Variants in PLPPR5 observed in about 807,000 individuals in gnomAD.
The protein encoded by PLPPR5 is phospholipid phosphatase related 5.
Under a neutral mutation model 33.9 loss-of-function variants are expected in PLPPR5, and 16 were observed. The observed-to-expected ratio is 0.47, with a 90% CI of 0.32 to 0.72. The LOEUF is 0.72. Ranked by LOEUF, PLPPR5 falls within the 30% of genes least tolerant of loss-of-function variation. The pLI is 0.03. For synonymous variants in PLPPR5, 163 were observed against 150.3 expected (o/e 1.08, Z -0.62); for missense variants, 301 against 406.7 (o/e 0.74, Z 2.23).
chr1:98,991,612 A>G (rs1425947987), intron 1 of PLPPR5, among the ~76,000 whole-genome samples: 1 of 152,210 alleles, frequency 6.6e-6, no homozygotes, highest in Non-Finnish European at 1.5e-5. Flanking sequence ...GAACAGTCAG[A>G]GAACTGAAAA....
intron 1 of PLPPR5, among the ~76,000 whole-genome samples, chr1:98,967,175 G>C (rs902819544): frequency 6.6e-6 from 1 of 152,054 alleles, no homozygotes; most frequent in South Asian, 2.1e-4. Flanking sequence ...TGGGACTATA[G>C]AAAGAGAGGT....
chr1:98,893,078 G>A lies in PLPPR5; in HGVS notation c.960C>T (p.Val320=), dbSNP rs897234049. 1 of 1,611,152 alleles carries A rather than the reference G, an allele frequency of 6.2e-7. No individual in the cohort carries two copies. The highest frequency in any genetic ancestry group is 8.5e-7 in the Non-Finnish European group (1 of 1,178,338). Reference sequence around the variant, plus strand: ...AAAACCATCTGCTTCGATATCATGTGACTTCTGCGAAGGCAGTGATGTGGT... The same window carrying A: ...AAAACCATCTGCTTCGATATCATGTAACTTCTGCGAAGGCAGTGATGTGGT... ...VQNHITAFAE[V]T is the part of the protein sequence containing the mutation. Residue 320 remains valine, a synonymous_variant, in exon 6 of 6, where the codon GTC becomes GTT. Coordinates refer to ENST00000263177, the MANE Select transcript of PLPPR5 (RefSeq NM_001037317.2).
chr1:98,979,836 TCAC>T (rs1651993771), intron 1 of PLPPR5, among the ~76,000 whole-genome samples: 1 of 152,052 alleles, frequency 6.6e-6, no homozygotes, highest in African/African-American at 2.4e-5. Flanking sequence ...TTTCTCAAAT[TCAC>T]CACATCTTTG....
intron 5 of PLPPR5, among the ~76,000 whole-genome samples, chr1:98,910,695 G>A (rs150758919): frequency 0.014 from 2,056 of 152,136 alleles, 18 homozygotes; most frequent in Middle Eastern, 0.017. Context: ...AACCAGCCCC[G>A]GACAGGATGC....
chr1:98,923,356 T>C (rs1649641242), intron 3 of PLPPR5, among the ~76,000 whole-genome samples: 1 of 152,212 alleles, frequency 6.6e-6, no homozygotes, highest in African/African-American at 2.4e-5. Flanking sequence ...CTGGTATTGA[T>C]AATATACTCA....
chr1:98,947,509 A>G (rs1650601003), intron 3 of PLPPR5, among the ~76,000 whole-genome samples: 1 of 152,186 alleles, frequency 6.6e-6, no homozygotes, highest in African/African-American at 2.4e-5. Context: ...TAACTGCAAA[A>G]CAGCATTATT....
At chr1:98,897,972 AAAAT>A (rs1648543538) in intron 5 of PLPPR5, among the ~76,000 whole-genome samples, 1 of 152,160 alleles carries the variant, frequency 6.6e-6, no homozygotes, top group Non-Finnish European at 1.5e-5. Context: ...AAGAAAAAGT[AAAAT>A]AAATAATTTT....
intron 1 of PLPPR5, among the ~76,000 whole-genome samples, chr1:98,985,444 T>C (rs1046433632): frequency 6.6e-6 from 1 of 152,052 alleles, no homozygotes; most frequent in African/African-American, 2.4e-5. Context: ...TATTATACCA[T>C]CATAACATTG....
At chr1:98,964,463 C>T (rs1651361967) in intron 1 of PLPPR5, among the ~76,000 whole-genome samples, 1 of 152,144 alleles carries the variant, frequency 6.6e-6, no homozygotes, top group Admixed American at 6.5e-5. Context: ...TCAGCAAAAA[C>T]TCTCCATTGC....
At chr1:98,909,711 G>A (rs1415313904) in intron 5 of PLPPR5, among the ~76,000 whole-genome samples, 1 of 152,026 alleles carries the variant, frequency 6.6e-6, no homozygotes. Flanking sequence ...CAGAACCTAC[G>A]AGCAGAAGCA....
At chr1:98,988,736 T>C (rs1276049243) in intron 1 of PLPPR5, among the ~76,000 whole-genome samples, 1 of 152,108 alleles carries the variant, frequency 6.6e-6, no homozygotes, top group Non-Finnish European at 1.5e-5. Context: ...CTCAAGATAT[T>C]TGGACATATC....
intron 1 of PLPPR5, among the ~76,000 whole-genome samples, chr1:98,997,295 C>A (rs1258435485): frequency 6.6e-6 from 1 of 151,968 alleles, no homozygotes; most frequent in Admixed American, 6.6e-5. Context: ...TCTGAACTTC[C>A]GAAGGGCAGA....
At chr1:98,962,197 T>C (rs1651274110) in intron 1 of PLPPR5, among the ~76,000 whole-genome samples, 1 of 152,214 alleles carries the variant, frequency 6.6e-6, no homozygotes, top group South Asian at 2.1e-4. Context: ...ATATTATTTT[T>C]AATTGACACA....
intron 1 of PLPPR5, among the ~76,000 whole-genome samples, chr1:98,971,120 C>T (rs979532332): frequency 1.3e-5 from 2 of 151,966 alleles, no homozygotes; most frequent in Admixed American, 1.3e-4. Context: ...GCAGTGTTTT[C>T]CCAGACTACT....
At chr1:98,910,438 T>A (rs187016480) in intron 5 of PLPPR5, among the ~76,000 whole-genome samples, 13 of 152,282 alleles carry the variant, frequency 8.5e-5, no homozygotes, top group Middle Eastern at 6.8e-3. Flanking sequence ...TGAAACCAAT[T>A]TGACCACAGG....
At chr1:98,990,120 G>A (rs115114714) in intron 1 of PLPPR5, among the ~76,000 whole-genome samples, 3,212 of 152,266 alleles carry the variant, frequency 0.021, 45 homozygotes, top group African/African-American at 0.035. Context: ...GCTCACACCA[G>A]CACTTTGGGA....
intron 5 of PLPPR5, among the ~76,000 whole-genome samples, chr1:98,910,636 G>A (rs1276264395): frequency 6.6e-6 from 1 of 152,100 alleles, no homozygotes; most frequent in East Asian, 1.9e-4. Context: ...TTCAGTTCAG[G>A]GTAGCAGATG....
intron 1 of PLPPR5, among the ~76,000 whole-genome samples, chr1:98,960,889 T>A (rs1034310336): frequency 6.6e-6 from 1 of 152,158 alleles, no homozygotes; most frequent in African/African-American, 2.4e-5. Context: ...TTCTACAGGC[T>A]CCTCCTAGCC....
chr1:99,000,175 A>G (rs1652775977), intron 1 of PLPPR5, among the ~76,000 whole-genome samples: 1 of 152,226 alleles, frequency 6.6e-6, no homozygotes, highest in Admixed American at 6.5e-5. Context: ...CAAACTGAAC[A>G]GTACCTATTT....
Sources: allele counts gnomAD v4.1 joint callset (sites outside exome capture counted in the v4.1 genomes callset), GRCh38; gene constraint gnomAD v4.1.1; transcripts MANE v1.5; gene names NCBI Gene and HGNC (gene_info 2026-07-23, HGNC 2026-07-21).